Variants in PALMD observed in about 807,000 individuals in gnomAD.
PALMD encodes the protein palmdelphin.
A neutral mutation model predicts 56.2 loss-of-function variants in PALMD; 42 were observed. The ratio of observed to expected loss-of-function variants is 0.75; its 90% CI spans 0.58 to 0.97. The LOEUF is 0.97. PALMD is among the 50% of genes least tolerant of loss of function. PALMD has a pLI of 0.00. For missense variants in PALMD, 660 were observed against 643.8 expected (o/e 1.03, Z -0.27); for synonymous variants, 242 against 222.9 (o/e 1.09, Z -0.76).
intron 1 of PALMD, among the ~76,000 whole-genome samples, chr1:99,661,351 AAGC>A (rs1652842848): frequency 6.6e-6 from 1 of 152,224 alleles, no homozygotes; most frequent in Non-Finnish European, 1.5e-5. Flanking sequence ...AAGCTAATGA[AAGC>A]ACTGTCAGAT....
intron 3 of PALMD, among the ~76,000 whole-genome samples, chr1:99,679,736 T>C (rs1653296305): frequency 6.6e-6 from 1 of 152,198 alleles, no homozygotes. Context: ...GTTTTCTTTC[T>C]ACAGTGGCTA....
intron 2 of PALMD, among the ~76,000 whole-genome samples, chr1:99,666,939 T>C (rs1473493377): frequency 1.3e-5 from 2 of 152,200 alleles, no homozygotes; most frequent in African/African-American, 4.8e-5. Flanking sequence ...TTTTTGTGTG[T>C]TGTTAAAGTT....
chr1:99,685,618 T>C (rs1220111096), intron 3 of PALMD: 1 of 152,188 alleles, frequency 6.6e-6, no homozygotes, highest in South Asian at 2.1e-4. Context: ...GGTGTGACAA[T>C]AGTGCAGCAT....
intron 2 of PALMD, among the ~76,000 whole-genome samples, chr1:99,666,582 A>G (rs1480244645): frequency 6.6e-6 from 1 of 152,178 alleles, no homozygotes; most frequent in Admixed American, 6.6e-5. Flanking sequence ...CAGAAAATAA[A>G]GTTCCCATTC....
chr1:99,658,507 C>A (rs985397543), intron 1 of PALMD, among the ~76,000 whole-genome samples: 1 of 152,004 alleles, frequency 6.6e-6, no homozygotes, highest in Non-Finnish European at 1.5e-5. Context: ...CACGGTGGCT[C>A]ATGCCTGTAA....
intron 1 of PALMD, among the ~76,000 whole-genome samples, chr1:99,656,276 T>C (rs1055119910): frequency 3.9e-5 from 6 of 152,228 alleles, no homozygotes; most frequent in African/African-American, 1.4e-4. Context: ...TTAAGAATGT[T>C]TCTCAAGAAT....
At chr1:99,691,574 A>G (rs1372681827) in intron 7 of PALMD, among the ~76,000 whole-genome samples, 3 of 152,194 alleles carry the variant, frequency 2.0e-5, no homozygotes, top group African/African-American at 7.2e-5. Flanking sequence ...CATACAGACT[A>G]CAGAGCTGAT....
intron 3 of PALMD, among the ~76,000 whole-genome samples, chr1:99,682,317 T>A (rs1392587725): frequency 6.6e-6 from 1 of 152,180 alleles, no homozygotes; most frequent in Non-Finnish European, 1.5e-5. Context: ...AGATGTTTCC[T>A]AGTTATCCTT....
intron 3 of PALMD, among the ~76,000 whole-genome samples, chr1:99,681,769 C>A (rs1653352133): frequency 6.6e-6 from 1 of 152,096 alleles, no homozygotes; most frequent in African/African-American, 2.4e-5. Flanking sequence ...TCAGCAGCAC[C>A]CCTCACCCTC....
chr1:99,650,862 G>A (rs1557666119), intron 1 of PALMD, among the ~76,000 whole-genome samples: 1 of 152,140 alleles, frequency 6.6e-6, no homozygotes, highest in Non-Finnish European at 1.5e-5. Flanking sequence ...AAATAAGAGA[G>A]TAAAAACAAG....
At chr1:99,684,930 C>T (rs1374597262) in intron 3 of PALMD, 1 of 152,194 alleles carries the variant, frequency 6.6e-6, no homozygotes, top group Non-Finnish European at 1.5e-5. Context: ...CCCTGATGTG[C>T]AAGAGCTGCT....
chr1:99,668,683 T>A lies in PALMD; in HGVS notation c.251+917T>A, dbSNP rs138586607. 1,435 of 152,364 alleles carry A rather than the reference T, an allele frequency of 9.4e-3. 20 individuals are homozygous for A. Among genetic ancestry groups the A allele is most frequent in the Non-Finnish European group, 0.012 (809 of 68,036 alleles). 9.4% of individuals were successfully genotyped at this position (152,364 alleles called of 1,614,324 possible). A position where few individuals can be genotyped will look rare whatever the true frequency, so the allele number is the denominator to read the frequency against. On this transcript the variant is annotated intron_variant, in intron 3 of 7. Transcript: ENST00000263174. ...CAGGCGTTCACTTCATTTCTCAACA[T>A]CCTTTCCTGCTTATTTTGTGAGATC...
intron 1 of PALMD, among the ~76,000 whole-genome samples, chr1:99,649,475 G>A (rs1289364386): frequency 6.6e-6 from 1 of 151,898 alleles, no homozygotes; most frequent in African/African-American, 2.4e-5. Flanking sequence ...TTCTCGAGAA[G>A]AGTGAGATGA....
At chr1:99,693,728 A>C (rs1653714871) in intron 7 of PALMD, among the ~76,000 whole-genome samples, 1 of 152,206 alleles carries the variant, frequency 6.6e-6, no homozygotes, top group African/African-American at 2.4e-5. Context: ...TGTATGGCTA[A>C]TAGGGAAACT....
At chr1:99,692,284 T>C (rs1361860211) in intron 7 of PALMD, among the ~76,000 whole-genome samples, 1 of 152,154 alleles carries the variant, frequency 6.6e-6, no homozygotes, top group African/African-American at 2.4e-5. Context: ...GGAGTTCATA[T>C]GCTACTGGTG....
chr1:99,649,111 T>A (rs75654098), intron 1 of PALMD, among the ~76,000 whole-genome samples: 2,313 of 152,310 alleles, frequency 0.015, 27 homozygotes, highest in Middle Eastern at 0.048. Context: ...TACTTCAGTT[T>A]GGGTATACCA....
chr1:99,694,182 C>A lies in PALMD; in HGVS notation c.*120C>A. 1.6e-6 allele frequency: 1 copy of A among 624,798 alleles called. No homozygotes were observed. Among genetic ancestry groups the A allele is most frequent in the Non-Finnish European group, 2.8e-6 (1 of 357,440 alleles). The allele number at this position is 624,798 out of a possible 1,614,324, so 38.7% of individuals were successfully genotyped here. A position where few individuals can be genotyped will look rare whatever the true frequency, so the allele number is the denominator to read the frequency against. ...CCAAAAAATTATCATTACAGTGTAC[C>A]ATATTAAGCCATGTGAATAAGTAGT... On this transcript the variant is annotated 3_prime_UTR_variant, in exon 8 of 8. Transcript: ENST00000263174.
At position 99,689,843 on chromosome 1, in the gene PALMD, G is replaced by T; in HGVS notation, c.1583G>T (p.Gly528Val). 6.2e-7 allele frequency: 1 copy of T among 1,611,156 alleles called. No homozygotes were observed. Among genetic ancestry groups the T allele is most frequent in the Non-Finnish European group, 8.5e-7 (1 of 1,179,480 alleles). The change falls in exon 7 of 8, where the codon GGA becomes GTA. Residue 528 changes from glycine to valine, a missense_variant. By Grantham distance (109) the Gly-to-Val change is moderately radical. Transcript: ENST00000263174. Reference protein sequence around the residue: ...HHSPFDAQTTGDGTEDPSLTA... With the variant: ...HHSPFDAQTTVDGTEDPSLTA... ...TCCCCATTTGATGCTCAGACAACTG[G>T]AGATGGGACTGAGGATCCATCCTTA...
chr1:99,686,126 A>G (rs1653489280), intron 3 of PALMD: 1 of 152,052 alleles, frequency 6.6e-6, no homozygotes, highest in African/African-American at 2.4e-5. Context: ...CCTCCTCACT[A>G]TAATATGGCC....
Sources: allele counts gnomAD v4.1 joint callset (sites outside exome capture counted in the v4.1 genomes callset), GRCh38; gene constraint gnomAD v4.1.1; transcripts MANE v1.5; gene names NCBI Gene and HGNC (gene_info 2026-07-23, HGNC 2026-07-21).